GNA12: variants seen among roughly 807,000 people sequenced by gnomAD.
The protein encoded by GNA12 is guanine nucleotide-binding protein subunit alpha-12.
A neutral mutation model predicts 26.0 loss-of-function variants in GNA12; 9 were observed. The observed-to-expected ratio is 0.35, with a 90% confidence interval of 0.21 to 0.60. The LOEUF (loss-of-function observed/expected upper bound fraction) is 0.60. GNA12 is among the 20% of genes least tolerant of loss of function. The pLI, the probability that GNA12 is intolerant of heterozygous loss-of-function variation, is 0.78. For missense variants in GNA12, 405 were observed against 525.8 expected, an observed-to-expected ratio of 0.77 and a Z score of 2.25; for synonymous variants, 264 against 219.6, an observed-to-expected ratio of 1.20 and a Z score of -1.79.
chr7:2,829,999 C>A (rs1358681171), intron 1 of GNA12, among the ~76,000 whole-genome samples: 1 of 152,222 alleles, frequency 6.6e-6, no homozygotes, highest in Non-Finnish European at 1.5e-5. Flanking sequence ...CCAGTGGACT[C>A]CTGCCTCGAG....
chr7:2,768,917 A>G (rs1004939294), intron 2 of GNA12, among the ~76,000 whole-genome samples: 3 of 152,182 alleles, frequency 2.0e-5, no homozygotes, highest in African/African-American at 7.2e-5. Flanking sequence ...TACCCTTACC[A>G]TGCCTTAGAT....
At chr7:2,836,917 T>G (rs1778855078) in intron 1 of GNA12, among the ~76,000 whole-genome samples, 1 of 151,884 alleles carries the variant, frequency 6.6e-6, no homozygotes, top group South Asian at 2.1e-4. Context: ...AGAGCGAAAC[T>G]CCATCTCAAC....
At chr7:2,782,121 AC>A (rs1792244774) in intron 2 of GNA12, among the ~76,000 whole-genome samples, 1 of 152,204 alleles carries the variant, frequency 6.6e-6, no homozygotes, top group Non-Finnish European at 1.5e-5. Context: ...ATGGATTTGG[AC>A]CCCTACCTCA....
chr7:2,761,394 G>C (rs1007034582), intron 2 of GNA12, among the ~76,000 whole-genome samples: 1 of 152,236 alleles, frequency 6.6e-6, no homozygotes, highest in African/African-American at 2.4e-5. Flanking sequence ...AGACATCTGT[G>C]CCACACAGAC....
chr7:2,790,327 C>A lies in GNA12; in HGVS notation c.525+4601G>T, dbSNP rs200026077. The stretch of plus-strand genomic sequence containing the variant: ...AGTGCAGTGGCGCGATCTCAGCTCA[C>A]TGTAGCCTGGAACTCCTGGGCTCAA... On this transcript the variant is annotated intron_variant, in intron 2 of 3. Transcript: ENST00000275364. Among the ~76,000 whole-genome samples the A allele has an allele frequency of 1.1e-4, 17 of 152,366 alleles. No homozygotes were observed. In the East Asian group the frequency reaches 2.9e-3, roughly 26 times the overall value.
chr7:2,755,461 TTG>T (rs1363480381), intron 2 of GNA12, among the ~76,000 whole-genome samples: 3 of 152,242 alleles, frequency 2.0e-5, no homozygotes, highest in Non-Finnish European at 4.4e-5. Context: ...CCTCTAGATG[TTG>T]TGTTAAATTT....
At chr7:2,814,333 G>C (rs769151663) in intron 1 of GNA12, 2 of 1,592,852 alleles carry the variant, frequency 1.3e-6, no homozygotes, top group Non-Finnish European at 1.7e-6. Flanking sequence ...GGTGTGCAAT[G>C]AGTAGGTGCT....
chr7:2,801,389 T>C (rs1438158092), intron 1 of GNA12, among the ~76,000 whole-genome samples: 1 of 152,070 alleles, frequency 6.6e-6, no homozygotes, highest in Non-Finnish European at 1.5e-5. Context: ...AGGCCAAAGG[T>C]CACTTACGAA....
chr7:2,749,639 T>G (rs798504), intron 2 of GNA12, among the ~76,000 whole-genome samples: 82,031 of 151,658 alleles, frequency 0.54, 22,848 homozygotes, highest in Non-Finnish European at 0.62. Context: ...TGTGCACATG[T>G]ACCCTAGAAC....
chr7:2,739,846 A>G (rs754745485), intron 2 of GNA12, among the ~76,000 whole-genome samples: 37 of 151,946 alleles, frequency 2.4e-4, no homozygotes, highest in Non-Finnish European at 4.6e-4. Flanking sequence ...TAATTTTTGT[A>G]TTTTTAGTAG....
intron 2 of GNA12, among the ~76,000 whole-genome samples, chr7:2,789,132 C>CTTT (rs71026556): frequency 1.8e-4 from 13 of 72,828 alleles, no homozygotes; most frequent in Non-Finnish European, 1.9e-4. Context: ...CTTCAGGCAT[C>CTTT]TTTTTTTTTT....
chr7:2,770,980 G>A (rs1304322857), intron 2 of GNA12, among the ~76,000 whole-genome samples: 2 of 152,124 alleles, frequency 1.3e-5, no homozygotes, highest in African/African-American at 4.8e-5. Flanking sequence ...AACAGACTTA[G>A]TAAACCAAAT....
At chr7:2,737,274 G>GTTTTGTTTTTTTTTTT (rs1790242698) in intron 2 of GNA12, among the ~76,000 whole-genome samples, 1 of 35,046 alleles carries the variant, frequency 2.9e-5, no homozygotes, top group African/African-American at 9.9e-5. Context: ...GTTTTGTTTT[G>GTTTTGTTTTTTTTTTT]TTTTTTTTTT....
chr7:2,813,707 C>G (rs1166821259), intron 1 of GNA12, among the ~76,000 whole-genome samples: 1 of 152,190 alleles, frequency 6.6e-6, no homozygotes. Context: ...ACAGCGTATT[C>G]GTTAGGAGAT....
At chr7:2,748,698 G>C (rs2115353424) in intron 2 of GNA12, among the ~76,000 whole-genome samples, 1 of 152,274 alleles carries the variant, frequency 6.6e-6, no homozygotes, top group South Asian at 2.1e-4. Context: ...CACAGCAAAA[G>C]AAACTACCAT....
intron 1 of GNA12, among the ~76,000 whole-genome samples, chr7:2,831,683 A>G (rs1182186): frequency 0.26 from 38,941 of 151,936 alleles, 5,423 homozygotes; most frequent in Non-Finnish European, 0.3. Context: ...GATTACAGGC[A>G]TGAACCACCG....
At chr7:2,777,726 G>T (rs1009840645) in intron 2 of GNA12, among the ~76,000 whole-genome samples, 4 of 152,170 alleles carry the variant, frequency 2.6e-5, no homozygotes, top group Non-Finnish European at 5.9e-5. Flanking sequence ...CCTCTGAACT[G>T]TGAAAAATAT....
chr7:2,780,048 G>GTA (rs1554259618), intron 2 of GNA12, among the ~76,000 whole-genome samples: 72 of 84,702 alleles, frequency 8.5e-4, no homozygotes, highest in African/African-American at 2.5e-3. Context: ...ACATTTCTGT[G>GTA]TACATATATA....
chr7:2,750,306 A>G (rs1790971174), intron 2 of GNA12, among the ~76,000 whole-genome samples: 1 of 152,218 alleles, frequency 6.6e-6, no homozygotes, highest in South Asian at 2.1e-4. Context: ...CAGACAGGCA[A>G]ATGCAGAGAA....
Sources: gnomAD v4.1 joint callset for allele counts (sites outside exome capture counted in the v4.1 genomes callset) on GRCh38, gnomAD v4.1.1 for gene constraint, MANE v1.5 for transcripts, NCBI Gene and HGNC (gene_info 2026-07-23, HGNC 2026-07-21) for gene names.